The following WDR62 variants were observed in gnomAD, a reference collection of about 807,000 sequenced individuals.
WDR62 encodes WD repeat domain 62.
WDR62 carries 112 observed loss-of-function variants against 160.6 expected under a neutral mutation model. That is an observed-to-expected ratio of 0.70 (90% CI 0.60 to 0.82). WDR62 has a LOEUF of 0.82. Among genes scored for constraint, WDR62 ranks in the 40% least tolerant of loss-of-function variants. The pLI is 0.00. For synonymous variants in WDR62, 792 were observed against 815.1 expected (o/e 0.97, Z 0.48); for missense variants, 1,819 against 1,983.8 (o/e 0.92, Z 1.58).
rs1417963749 is a variant in WDR62 at position 36,067,369 on chromosome 19, G to A, written c.625G>A (p.Asp209Asn). The A allele has an allele frequency of 6.2e-7, 1 of 1,614,236 alleles. No homozygotes were observed. The highest frequency in any genetic ancestry group is 1.1e-5 in the South Asian group (1 of 91,090). ...CRVIALSFSE[D>N]SSYFVTVGNR... is the part of the protein sequence containing the mutation. ...AGTCATTGCCCTCTCCTTCTCAGAG[G>A]ACAGCAGCTATTTTGTCACTGTTGG... The change falls in exon 6 of 32, where the codon GAC becomes AAC. Residue 209 changes from aspartate (D) to asparagine (N), a missense_variant. Asp to Asn is a conservative substitution (Grantham distance 23). Around this residue, in one of 3 missense-constraint regions of WDR62, gnomAD observed 934 missense variants for 1,157.2 expected, o/e 0.81. Coordinates refer to ENST00000401500, the MANE Select transcript of WDR62 (RefSeq NM_001083961.2).
Position 36,084,606 on chromosome 19 carries a change from C to G in WDR62, c.1551-47C>G, listed in dbSNP as rs772713320. 4.4e-6 allele frequency: 7 copies of G among 1,582,944 alleles called. 1 individual carries two copies. In the South Asian group the frequency reaches 7.7e-5, roughly 18 times the overall value. ...GACCTATTCTAGAAGTGGTAGAGCA[C>G]ATGGGGCTGGGGTGTGGGGCTTCAG... On this transcript the variant is annotated intron_variant, in intron 11 of 31. Transcript: ENST00000401500.
At chr19:36,082,488 C>T (rs1260861584) in intron 10 of WDR62, among the ~76,000 whole-genome samples, 3 of 152,142 alleles carry the variant, frequency 2.0e-5, no homozygotes, top group Non-Finnish European at 1.5e-5. Context: ...CTAAAAAGAC[C>T]CTCCATGCAG....
intron 7 of WDR62, chr19:36,070,693 C>G (rs1251326150): frequency 6.6e-6 from 1 of 152,190 alleles, no homozygotes; most frequent in Non-Finnish European, 1.5e-5. Context: ...TTCTCTTTTT[C>G]AAGCAAGTGA....
chr19:36,083,196 C>G lies in WDR62; in HGVS notation c.1505C>G (p.Pro502Arg). 2 of 1,610,588 alleles carry G rather than the reference C, an allele frequency of 1.2e-6. No homozygotes were observed. The highest frequency in any genetic ancestry group is 1.7e-6 in the Non-Finnish European group (2 of 1,178,212). ...GGGGTGCGGGTCATGCAGGTCAGTC[C>G]TGACGGCCAGCATTTGGCTTCAGGC... The part of the protein sequence containing the change: ...KAGVRVMQVS[P>R]DGQHLASGDR... Residue 502 changes from proline (P) to arginine (R), a missense_variant, in exon 11 of 32, where the codon CCT (proline) becomes CGT (arginine). By Grantham distance (103) the Pro-to-Arg change is moderately radical. Coordinates refer to ENST00000401500, the MANE Select transcript of WDR62 (RefSeq NM_001083961.2).
chr19:36,105,016 A>C lies in WDR62; in HGVS notation c.4560A>C (p.Ala1520=). The change falls in exon 32 of 32, where the codon GCA becomes GCC. Residue 1520 remains alanine, a synonymous_variant. Transcript: ENST00000401500. ...ELLVQAVRRK[A]RGH is the part of the protein sequence containing the mutation. ...TGGTGCAGGCCGTGCGGAGGAAGGC[A>C]CGGGGGCACTGAGGGCGCAGCCCCT... The C allele has an allele frequency of 6.3e-7, 1 of 1,599,800 alleles. No homozygotes were observed. Among genetic ancestry groups the C allele is most frequent in the East Asian group, 2.2e-5 (1 of 44,678 alleles).
In WDR62 at chr19:36,104,633, G is replaced by A; in HGVS notation, c.4269G>A (p.Arg1423=). Residue 1423 remains arginine (R), a synonymous_variant, in exon 31 of 32, where the codon AGG becomes AGA. Transcript: ENST00000401500. ...GCAGGGTGGGGAACATCTTGCACAG[G>A]CTGCAGACCACCTTCCAAGAAGCCC... ...ELSRVGNILH[R]LQTTFQEALD... is the part of the protein sequence containing the mutation. 1 of 1,614,092 alleles carries A rather than the reference G, an allele frequency of 6.2e-7. No individual in the cohort carries two copies. The highest frequency in any genetic ancestry group is 1.6e-4 in the Middle Eastern group (1 of 6,062).
Position 36,086,768 on chromosome 19 carries a change from C to A in WDR62, c.1724C>A (p.Thr575Lys). The change falls in exon 13 of 32, where the codon ACG becomes AAG. Residue 575 changes from threonine to lysine, a missense_variant. This residue lies in a region of WDR62 where 934 missense variants were observed against 1,157.2 expected (regional missense o/e 0.81). Transcript: ENST00000401500. ...NVEKNYNLEQ[T>K]LDDHSSSITA... ...GAGAAGAACTACAACCTGGAGCAGA[C>A]GCTGGATGACCACTCCTCCTCCATC... The A allele has an allele frequency of 6.2e-7, 1 of 1,609,008 alleles. No homozygotes were observed. The highest frequency in any genetic ancestry group is 8.5e-7 in the Non-Finnish European group (1 of 1,177,362).
downstream of WDR62, among the ~76,000 whole-genome samples, chr19:36,109,135 C>A (rs1247155625): frequency 6.6e-6 from 1 of 152,130 alleles, no homozygotes; most frequent in Non-Finnish European, 1.5e-5. Context: ...AACTGACTCT[C>A]GGGCAATGTA....
chr19:36,109,759 A>C (rs367914574), downstream of WDR62, among the ~76,000 whole-genome samples: 1,578 of 149,370 alleles, frequency 0.011, 12 homozygotes, highest in South Asian at 0.042. Flanking sequence ...ACAAAACAAA[A>C]AAAATAAAAA....
intron 12 of WDR62, among the ~76,000 whole-genome samples, chr19:36,085,589 G>C (rs1972177388): frequency 6.6e-6 from 1 of 151,306 alleles, no homozygotes; most frequent in Admixed American, 6.6e-5. Context: ...TTACAGGCAC[G>C]CCCCCACCAC....
chr19:36,073,536 GCCC>G lies in WDR62; in HGVS notation c.1233+13_1233+15del. On this transcript the variant is annotated splice_donor_region_variant and intron_variant, in intron 9 of 31. Coordinates refer to ENST00000401500, the MANE Select transcript of WDR62 (RefSeq NM_001083961.2). Reference sequence around the variant, plus strand: ...TCCTACGTTTGGAACGTGGAGGTGAGCCCCCCCCCCACCCCCTTGCCCCTGCTT... The same window carrying G: ...TCCTACGTTTGGAACGTGGAGGTGAGCCCCCCCACCCCCTTGCCCCTGCTT... 1 of 1,304,216 alleles carries G rather than the reference GCCC, an allele frequency of 7.7e-7. No individual in the cohort carries two copies. Among genetic ancestry groups the G allele is most frequent in the Non-Finnish European group, 1.1e-6 (1 of 926,914 alleles). 80.8% of individuals were successfully genotyped at this position (1,304,216 alleles called of 1,614,324 possible).
chr19:36,106,505 A>G (rs763476764), downstream of WDR62, among the ~76,000 whole-genome samples: 3 of 152,132 alleles, frequency 2.0e-5, no homozygotes, highest in Non-Finnish European at 2.9e-5. Flanking sequence ...AGCTCTGTAT[A>G]ATTCTAGATA....
downstream of WDR62, among the ~76,000 whole-genome samples, chr19:36,110,097 T>C (rs1973782421): frequency 6.6e-6 from 1 of 151,516 alleles, no homozygotes. Flanking sequence ...TGCTTCTTAG[T>C]CTTCTGGCTA....
rs1037491343 is a variant in WDR62 at position 36,092,795 on chromosome 19, C to T, written c.2317C>T (p.Arg773Trp). The T allele has an allele frequency of 6.8e-6, 11 of 1,614,032 alleles. No individual in the cohort carries two copies. Among genetic ancestry groups the T allele is most frequent in the East Asian group, 2.2e-5 (1 of 44,876 alleles). ...GCAGCAGCACACAAATGACAAGAAG[C>T]GGAGTGGCCACCCCAGGTCCTGGCA... ...QQQQHTNDKK[R>W]SGHPRQDTYV... Residue 773 changes from arginine to tryptophan, a missense_variant, in exon 19 of 32, where the codon CGG becomes TGG. Physicochemically the swap from Arg to Trp is moderately radical, Grantham distance 101 (BLOSUM62 -3). Coordinates refer to ENST00000401500, the MANE Select transcript of WDR62 (RefSeq NM_001083961.2).
At chr19:36,100,918 C>A in intron 23 of WDR62, 43 bp downstream of exon 23, 1 of 1,613,456 alleles carries the variant, frequency 6.2e-7, no homozygotes, top group Non-Finnish European at 8.5e-7. Context: ...TGGAGGAACC[C>A]CCAGCTGATA....
intron 18 of WDR62, 64 bp downstream of exon 18, chr19:36,091,529 T>A: frequency 2.0e-6 from 3 of 1,510,284 alleles, no homozygotes. Flanking sequence ...TCAGCCTGCC[T>A]GTGTAGAGAG....
intron 17 of WDR62, 29 bp downstream of exon 17, chr19:36,091,340 T>TCCCCCCCCCC: frequency 6.3e-7 from 1 of 1,579,200 alleles, no homozygotes; most frequent in Non-Finnish European, 8.7e-7. Context: ...TTGGGATGCC[T>TCCCCCCCCCC]CCCCACCCGC....
rs770933787 is a variant in WDR62, at chr19:36,101,260, G to T, written c.2914G>T (p.Gly972Cys). The T allele has an allele frequency of 1.9e-6, 3 of 1,613,290 alleles. No homozygotes were observed. The South Asian group carries it at 3.3e-5, about 18-fold the overall frequency. ...GGAGGCCGGGCCTGGAGACCAGCAG[G>T]GCGACTCCTACCTCAGGGTGTCCTC... ...EVEAGPGDQQ[G>C]DSYLRVSSDS... Residue 972 changes from glycine to cysteine, a missense_variant, in exon 24 of 32, where the codon GGC becomes TGC. Around this residue, in one of 3 missense-constraint regions of WDR62, gnomAD observed 770 missense variants for 734.2 expected, o/e 1.05. Coordinates refer to ENST00000401500, the MANE Select transcript of WDR62 (RefSeq NM_001083961.2).
At chr19:36,093,931 G>A (rs1972791544) in intron 19 of WDR62, 100 bp from the exon 20 acceptor site, 2 of 1,465,748 alleles carry the variant, frequency 1.4e-6, no homozygotes, top group East Asian at 2.3e-5. Flanking sequence ...CCAAGAATAT[G>A]TTCACATGGA....
Sources: gnomAD v4.1 joint callset for allele counts (sites outside exome capture counted in the v4.1 genomes callset) on GRCh38, gnomAD v4.1.1 for gene constraint, gnomAD v4.1.1 regional missense constraint, MANE v1.5 for transcripts, NCBI Gene and HGNC (gene_info 2026-07-23, HGNC 2026-07-21) for gene names.